IDS: variants seen among roughly 807,000 people sequenced by gnomAD.
The protein encoded by IDS is iduronate 2-sulfatase.
Under a neutral mutation model 33.5 loss-of-function variants are expected in IDS, and 1 was observed. The observed-to-expected ratio is 0.03, with a 90% CI of 0.01 to 0.14. IDS has a LOEUF of 0.14. IDS is among the 10% of genes least tolerant of loss of function. The pLI, the probability that IDS is intolerant of heterozygous loss-of-function variation, is 1.00. For synonymous variants in IDS, 191 were observed against 184.4 expected, an observed-to-expected ratio of 1.04 and a Z score of -0.29; for missense variants, 328 against 448.0, an observed-to-expected ratio of 0.73 and a Z score of 2.42.
chrX:149,484,418 T>C (rs1460824030), intron 8 of IDS, among the ~76,000 whole-genome samples: 14 of 112,402 alleles, frequency 1.2e-4, no homozygotes, highest in African/African-American at 4.2e-4. Context: ...GTCTCCCAGG[T>C]TCAAGTGATT....
chrX:149,503,299 C>T lies in IDS; in HGVS notation c.418+13G>A, dbSNP rs782581563. On this transcript the variant is annotated intron_variant, in intron 3 of 8. Coordinates refer to ENST00000340855, the MANE Select transcript of IDS (RefSeq NM_000202.8). ...AAACCAAGAGAACCCAGACTCTGGA[C>T]ATGGAGCAGTACCAGGGTGAAAGAC... 2.5e-6 allele frequency: 3 copies of T among 1,208,193 alleles called. No individual in the cohort carries two copies. Among genetic ancestry groups the T allele is most frequent in the Admixed American group, 4.4e-5 (2 of 45,733 alleles).
intron 7 of IDS, chrX:149,487,463 C>T (rs2089348139): frequency 2.0e-6 from 1 of 491,960 alleles, no homozygotes; most frequent in African/African-American, 2.3e-5. Flanking sequence ...GCTGGGAACC[C>T]TGAAAGCTGT....
At chrX:149,484,559 A>T (rs781893047) in intron 8 of IDS, among the ~76,000 whole-genome samples, 14 of 112,687 alleles carry the variant, frequency 1.2e-4, no homozygotes, top group Admixed American at 9.3e-4. Flanking sequence ...TGACCTCGTG[A>T]TCCGCCCACC....
chrX:149,487,095 C>A lies in IDS; in HGVS notation c.1010G>T (p.Trp337Leu). The A allele has an allele frequency of 8.3e-7, 1 of 1,211,013 alleles. No homozygotes were observed. The highest frequency in any genetic ancestry group is 1.1e-6 in the Non-Finnish European group (1 of 895,013). The change falls in exon 8 of 9, where the codon TGG (tryptophan) becomes TTG (leucine). Residue 337 changes from tryptophan to leucine, a missense_variant. This residue lies in a region of IDS where 265 missense variants were observed against 339.2 expected (regional missense o/e 0.78). Transcript: ENST00000340855. ...TIIAFTSDHG[W>L]ALGEHGEWAK... Reference sequence around the variant, plus strand: ...CCATTCTCCATGTTCACCTAGAGCCCACCCTAGTTCATAAAAAGCACAGAA... The same window carrying A: ...CCATTCTCCATGTTCACCTAGAGCCAACCCTAGTTCATAAAAAGCACAGAA...
In IDS at chrX:149,480,131, C is replaced by T. The variant is rs2089288130; in HGVS notation, c.*2615G>A. 1.4e-5 allele frequency: 4 copies of T among 293,344 alleles called. No individual in the cohort carries two copies. 24.2% of individuals were successfully genotyped at this position (293,344 alleles called of 1,213,427 possible). On this transcript the variant is annotated 3_prime_UTR_variant, in exon 9 of 9. Transcript: ENST00000340855. ...GCCAAGGAAAGGGGCATTGTGGAGTCAGGGAAGACTCTGACTGCTCAACAG... is the reference window on the plus strand; with the variant it reads ...GCCAAGGAAAGGGGCATTGTGGAGTTAGGGAAGACTCTGACTGCTCAACAG...
intron 6 of IDS, chrX:149,495,408 A>G (rs2089427753): frequency 8.9e-6 from 1 of 112,103 alleles, no homozygotes; most frequent in Non-Finnish European, 1.9e-5. Flanking sequence ...TGTTTGCTTT[A>G]AACAATACTC....
At position 149,479,063 on chromosome X, in the gene IDS, G is replaced by C. The variant is rs2089280821; in HGVS notation, c.*3683C>G. 8.9e-6 allele frequency: 1 copy of C among 112,732 alleles called. No individual in the cohort carries two copies. Among genetic ancestry groups the C allele is most frequent in the African/African-American group, 3.2e-5 (1 of 31,031 alleles). The allele number at this position is 112,732 out of a possible 1,213,427, so 9.3% of individuals were successfully genotyped here. A position where few individuals can be genotyped will look rare whatever the true frequency, so the allele number is the denominator to read the frequency against. ...AGACGGAGTCTCGCTCTGTCACCCA[G>C]GCTGGAGTGCAGTGGCGCGATCTTG... On this transcript the variant is annotated 3_prime_UTR_variant, in exon 9 of 9. Transcript: ENST00000340855.
intron 3 of IDS, among the ~76,000 whole-genome samples, chrX:149,501,517 C>A (rs148102957): frequency 1.6e-3 from 177 of 112,199 alleles, no homozygotes; most frequent in African/African-American, 5.4e-3. Flanking sequence ...CACCCTTAAG[C>A]TTAGTAGTTT....
At chrX:149,488,608 G>C (rs1216740550) in intron 7 of IDS, among the ~76,000 whole-genome samples, 2 of 107,589 alleles carry the variant, frequency 1.9e-5, no homozygotes, top group African/African-American at 6.8e-5. Context: ...GCACCAGGCA[G>C]AGGGGGCCCC....
At position 149,482,591 on chromosome X, in the gene IDS, C is replaced by T; in HGVS notation, c.*155G>A. 2 of 872,299 alleles carry T rather than the reference C, an allele frequency of 2.3e-6. No homozygotes were observed. Among genetic ancestry groups the T allele is most frequent in the Non-Finnish European group, 3.2e-6 (2 of 629,870 alleles). The allele number at this position is 872,299 out of a possible 1,213,427, so 71.9% of individuals were successfully genotyped here. ...ACTAAACGAAAAGGTTTGGCTGTTA[C>T]ATATTCTCAGGCCAAATTGTTGATG... On this transcript the variant is annotated 3_prime_UTR_variant, in exon 9 of 9. Coordinates refer to ENST00000340855, the MANE Select transcript of IDS (RefSeq NM_000202.8).
chrX:149,504,081 A>G lies in IDS; in HGVS notation c.240+76T>C, dbSNP rs2854522. 465 of 1,009,914 alleles carry G rather than the reference A, an allele frequency of 4.6e-4. 1 individual carries two copies. In the South Asian group the frequency reaches 5.7e-3, roughly 12 times the overall value. 83.2% of individuals were successfully genotyped at this position (1,009,914 alleles called of 1,213,427 possible). A position where few individuals can be genotyped will look rare whatever the true frequency, so the allele number is the denominator to read the frequency against. On this transcript the variant is annotated intron_variant, in intron 2 of 8. Coordinates refer to ENST00000340855, the MANE Select transcript of IDS (RefSeq NM_000202.8). ...CCCGCACAATCTGTGCCATCTGACA[A>G]TAGCTGAAGCTCCCCGCCCCCAACC...
chrX:149,502,956 C>G (rs191555727), intron 3 of IDS: 430 of 424,035 alleles, frequency 1.0e-3, no homozygotes, highest in East Asian at 7.3e-3. Context: ...CTCACCCCAC[C>G]CCTAGGTTTA....
At chrX:149,500,400 T>C (rs4843987) in intron 4 of IDS, among the ~76,000 whole-genome samples, 58,148 of 111,220 alleles carry the variant, frequency 0.52, 11,668 homozygotes, top group Middle Eastern at 0.66. Flanking sequence ...CTCAGTTCCC[T>C]AGCTGGTTTT....
chrX:149,493,494 G>C (rs1298982309), intron 6 of IDS, among the ~76,000 whole-genome samples: 1 of 111,899 alleles, frequency 8.9e-6, no homozygotes, highest in African/African-American at 3.3e-5. Context: ...CTGCCTTGGA[G>C]GTCAGGTGAA....
rs1284124275 is a variant in IDS at position 149,478,698 on chromosome X, T to C, written c.*4048A>G. The C allele has an allele frequency of 8.9e-6, 1 of 112,596 alleles. No homozygotes were observed. Among genetic ancestry groups the C allele is most frequent in the Admixed American group, 9.4e-5 (1 of 10,683 alleles). The allele number at this position is 112,596 out of a possible 1,213,427, so 9.3% of individuals were successfully genotyped here. A position where few individuals can be genotyped will look rare whatever the true frequency, so the allele number is the denominator to read the frequency against. On this transcript the variant is annotated 3_prime_UTR_variant, in exon 9 of 9. Coordinates refer to ENST00000340855, the MANE Select transcript of IDS (RefSeq NM_000202.8). ...CAGTTTTCACATGTTCCAGATTTTA[T>C]GCAATGAGCATATATTACTCTGATA... is the stretch of plus-strand genomic sequence containing the variant.
chrX:149,489,764 T>C (rs942536997), intron 7 of IDS, among the ~76,000 whole-genome samples: 1 of 111,542 alleles, frequency 9.0e-6, no homozygotes, highest in Non-Finnish European at 1.9e-5. Context: ...GCTGCTGTTT[T>C]ATTCCCTGCT....
rs1268744597 is a variant in IDS at position 149,482,180 on chromosome X, A to C, written c.*566T>G. The C allele has an allele frequency of 8.9e-6, 1 of 112,505 alleles. No individual in the cohort carries two copies. Among genetic ancestry groups the C allele is most frequent in the African/African-American group, 3.2e-5 (1 of 30,916 alleles). 9.3% of individuals were successfully genotyped at this position (112,505 alleles called of 1,213,427 possible). The stretch of plus-strand genomic sequence containing the variant: ...TCCCATGGTCTTAGAAACAAAAGAT[A>C]GACTTTAAGACACTGGCTTCTGCTA... On this transcript the variant is annotated 3_prime_UTR_variant, in exon 9 of 9. Transcript: ENST00000340855.
At chrX:149,500,759 T>G (rs1023469202) in intron 4 of IDS, among the ~76,000 whole-genome samples, 190 bp downstream of exon 4, 5 of 112,329 alleles carry the variant, frequency 4.5e-5, no homozygotes, top group Admixed American at 9.4e-5. Context: ...GCTTCTAGAA[T>G]GAAGCCACTG....
rs183540756 is a variant in IDS, at chrX:149,495,068, C to G, written c.879+1278G>C. 4.5e-5 allele frequency among the ~76,000 whole-genome samples: 5 copies of G among 111,885 alleles called. No homozygotes were observed. In the Admixed American group the frequency reaches 4.7e-4, roughly 11 times the overall value. On this transcript the variant is annotated intron_variant, in intron 6 of 8. Transcript: ENST00000340855. The stretch of plus-strand genomic sequence containing the variant: ...CAGAGAGCAGGTACCTCACTAAGTC[C>G]CCATGAGGACTAAAGGCGATACCAC...
Sources: allele counts gnomAD v4.1 joint callset (sites outside exome capture counted in the v4.1 genomes callset), GRCh38; gene constraint gnomAD v4.1.1; regional missense constraint gnomAD v4.1.1; transcripts MANE v1.5; gene names NCBI Gene and HGNC (gene_info 2026-07-23, HGNC 2026-07-21).